The following TANC2 variants were observed in gnomAD, a reference collection of about 807,000 sequenced individuals.
The protein encoded by TANC2 is protein TANC2.
A neutral mutation model predicts 210.5 loss-of-function variants in TANC2; 26 were observed. That is an observed-to-expected ratio of 0.12 (90% CI 0.09 to 0.17). The LOEUF (loss-of-function observed/expected upper bound fraction) is 0.17. Among genes scored for constraint, TANC2 ranks in the 10% least tolerant of loss-of-function variants. The pLI, the probability that TANC2 is intolerant of heterozygous loss-of-function variation, is 1.00. For missense variants in TANC2, 2,129 were observed against 2,608.9 expected, an observed-to-expected ratio of 0.82 and a Z score of 4.01; for synonymous variants, 931 against 967.1, an observed-to-expected ratio of 0.96 and a Z score of 0.69.
At chr17:63,001,750 A>G (rs1221155083) in intron 1 of TANC2, among the ~76,000 whole-genome samples, 1 of 151,672 alleles carries the variant, frequency 6.6e-6, no homozygotes, top group Non-Finnish European at 1.5e-5. Context: ...GTTTCACCAC[A>G]TTGGCCAGGC....
At chr17:62,993,312 CT>C (rs1445874396) in intron 1 of TANC2, among the ~76,000 whole-genome samples, 4 of 152,156 alleles carry the variant, frequency 2.6e-5, no homozygotes, top group African/African-American at 4.8e-5. Flanking sequence ...TTCTGGGTCC[CT>C]TGCCGTTTCC....
intron 5 of TANC2, among the ~76,000 whole-genome samples, chr17:63,183,679 T>A (rs945108247): frequency 6.6e-6 from 1 of 152,118 alleles, no homozygotes; most frequent in Non-Finnish European, 1.5e-5. Context: ...TTTTTAAAAT[T>A]TAAGTAAATC....
intron 27 of TANC2, among the ~76,000 whole-genome samples, chr17:63,419,353 A>G (rs1278156504): frequency 6.6e-6 from 1 of 152,180 alleles, no homozygotes; most frequent in Non-Finnish European, 1.5e-5. Context: ...AGAAGATGGG[A>G]ATGTCTCTGA....
chr17:63,332,418 G>T, intron 11 of TANC2: 1 of 329,198 alleles, frequency 3.0e-6, no homozygotes, highest in Non-Finnish European at 5.9e-6. Context: ...ACAGTACCCT[G>T]TTGGTAATGA....
intron 11 of TANC2, chr17:63,320,273 G>A (rs2045452284): frequency 6.6e-6 from 1 of 151,910 alleles, no homozygotes; most frequent in Admixed American, 6.6e-5. Context: ...TAAAATTTCT[G>A]TCAGTACAGT....
chr17:63,198,855 C>T (rs983932730), intron 6 of TANC2, among the ~76,000 whole-genome samples: 10 of 151,736 alleles, frequency 6.6e-5, no homozygotes, highest in Non-Finnish European at 1.0e-4. Context: ...AAAATTGAAA[C>T]TCTCCTCTTC....
At chr17:63,148,380 A>G (rs2145376153) in intron 4 of TANC2, 1 of 152,340 alleles carries the variant, frequency 6.6e-6, no homozygotes, top group African/African-American at 2.4e-5. Flanking sequence ...TAAGCCTCAT[A>G]ACAATACTGT....
At chr17:63,395,826 T>G in exon 18 of TANC2, 5 of 1,613,316 alleles carry the variant, frequency 3.1e-6, no homozygotes, top group Non-Finnish European at 4.2e-6. Flanking sequence ...AGTTTTTGAT[T>G]CAGTGTGACT....
At chr17:63,238,015 T>C in exon 8 of TANC2, 5 of 1,563,230 alleles carry the variant, frequency 3.2e-6, no homozygotes, top group Non-Finnish European at 4.3e-6. Flanking sequence ...TTGGAAACAG[T>C]GTTATCTCAA....
intron 11 of TANC2, among the ~76,000 whole-genome samples, chr17:63,325,270 C>G (rs1376857217): frequency 1.3e-5 from 2 of 152,162 alleles, no homozygotes; most frequent in African/African-American, 2.4e-5. Context: ...CCCTATCTTC[C>G]ACCATTCCCC....
At chr17:63,072,979 C>T (rs2036451423) in intron 2 of TANC2, among the ~76,000 whole-genome samples, 1 of 152,050 alleles carries the variant, frequency 6.6e-6, no homozygotes, top group African/African-American at 2.4e-5. Context: ...AAGTAGATGA[C>T]AGAGCAAGAA....
intron 5 of TANC2, among the ~76,000 whole-genome samples, chr17:63,192,512 C>G (rs1035999968): frequency 2.0e-5 from 3 of 152,314 alleles, no homozygotes; most frequent in Non-Finnish European, 2.9e-5. Context: ...CAAGTTATCT[C>G]TTATTCAGAC....
At chr17:63,189,700 G>A (rs2041120416) in intron 5 of TANC2, among the ~76,000 whole-genome samples, 1 of 152,116 alleles carries the variant, frequency 6.6e-6, no homozygotes, top group Admixed American at 6.6e-5. Context: ...CCCATTTAGT[G>A]GGTTGTCTTT....
chr17:63,005,220 A>G (rs1054987367), intron 1 of TANC2: 32 of 152,234 alleles, frequency 2.1e-4, no homozygotes, highest in African/African-American at 7.0e-4. Flanking sequence ...CCTTTTACCT[A>G]TTAATGACTT....
Position 63,420,621 on chromosome 17 carries a change from C to G in TANC2, c.4891C>G (p.Pro1631Ala), listed in dbSNP as rs553213380. 2 of 1,613,960 alleles carry G rather than the reference C, an allele frequency of 1.2e-6. No homozygotes were observed. The highest frequency in any genetic ancestry group is 2.2e-5 in the East Asian group (1 of 44,880). ...AGGCCCTCAGTATCGGGCCAGCCCT[C>G]CAGCTGAAAGTATGAGTGTCTATAG... Residue 1631 changes from proline to alanine, a missense_variant, in exon 28 of 28, where the codon CCA becomes GCA. Around this residue, in one of 5 missense-constraint regions of TANC2, gnomAD observed 584 missense variants for 627.3 expected, o/e 0.93. Transcript: ENST00000689528. The surrounding 1 kb of genome is among the most constrained non-coding windows in gnomAD (Gnocchi z 4.2).
chr17:63,106,224 C>CAATTATATTAATTGAAATT, intron 4 of TANC2, among the ~76,000 whole-genome samples: 1 of 151,538 alleles, frequency 6.6e-6, no homozygotes, highest in South Asian at 2.1e-4. Context: ...TTACTTAATT[C>CAATTATATTAATTGAAATT]AATATAATAA....
In TANC2 at chr17:63,208,141, A is replaced by T. The variant is rs535351319; in HGVS notation, c.769+7184A>T. On this transcript the variant is annotated intron_variant, in intron 7 of 27. Coordinates refer to ENST00000689528, the Ensembl canonical transcript of TANC2. ...GGAAGCCTTAATTTTAATGTAGTCA[A>T]GTTTTTTTGTTTTTTCCTTTGTATT... is the stretch of plus-strand genomic sequence containing the variant. Among the ~76,000 whole-genome samples, 5 of 151,734 alleles carry T rather than the reference A, an allele frequency of 3.3e-5. 1 individual carries two copies. In the South Asian group the frequency reaches 1.0e-3, roughly 32 times the overall value.
intron 2 of TANC2, among the ~76,000 whole-genome samples, chr17:63,015,358 T>G (rs1393004958): frequency 6.6e-6 from 1 of 152,176 alleles, no homozygotes; most frequent in Admixed American, 6.5e-5. Context: ...AGGGTACATG[T>G]GCACAACGTG....
At chr17:63,327,348 A>G (rs2045683144) in intron 11 of TANC2, among the ~76,000 whole-genome samples, 1 of 152,234 alleles carries the variant, frequency 6.6e-6, no homozygotes, top group African/African-American at 2.4e-5. Context: ...GAGCTATCAT[A>G]TGATCCAGTA....
Sources: allele counts gnomAD v4.1 joint callset (sites outside exome capture counted in the v4.1 genomes callset), GRCh38; gene constraint gnomAD v4.1.1; regional missense constraint gnomAD v4.1.1; non-coding constraint Gnocchi (gnomAD v3.1); transcripts MANE v1.5; gene names NCBI Gene and HGNC (gene_info 2026-07-23, HGNC 2026-07-21).